The following HERC2 variants were observed in gnomAD, a reference collection of about 807,000 sequenced individuals.
HERC2 encodes the protein E3 ubiquitin-protein ligase HERC2.
Under a neutral mutation model 537.7 loss-of-function variants are expected in HERC2, and 102 were observed. The observed-to-expected ratio is 0.19, with a 90% CI of 0.16 to 0.22. HERC2 has a LOEUF of 0.22. Among genes scored for constraint, HERC2 ranks in the 10% least tolerant of loss-of-function variants. The pLI is 1.00. For synonymous variants in HERC2, 2,224 were observed against 2,466.2 expected (o/e 0.90, Z 2.91); for missense variants, 4,236 against 6,198.2 (o/e 0.68, Z 10.63).
chr15:28,168,013 A>G (rs1264772647), intron 67 of HERC2, among the ~76,000 whole-genome samples, 186 bp from the exon 68 acceptor site: 1 of 152,222 alleles, frequency 6.6e-6, no homozygotes, highest in East Asian at 1.9e-4. Context: ...GGCCTAGGAC[A>G]GTTTTGCAAA....
chr15:28,304,366 CTTT>C (rs567606595), intron 2 of HERC2, among the ~76,000 whole-genome samples: 3 of 137,416 alleles, frequency 2.2e-5, no homozygotes, highest in East Asian at 2.0e-4. Context: ...TTTATTTCTT[CTTT>C]TTTTTTTTTT....
chr15:28,303,475 A>C (rs1211103100), intron 2 of HERC2, among the ~76,000 whole-genome samples: 1 of 152,210 alleles, frequency 6.6e-6, no homozygotes, highest in Non-Finnish European at 1.5e-5. Flanking sequence ...ATTTTAAGTC[A>C]GGTAATGCAA....
chr15:28,256,532 A>G (rs2075267119), intron 17 of HERC2, among the ~76,000 whole-genome samples: 1 of 152,208 alleles, frequency 6.6e-6, no homozygotes, highest in African/African-American at 2.4e-5. Context: ...GAACATGTTT[A>G]TGGAAAGCTC....
chr15:28,173,805 A>AAC (rs1341383218), intron 65 of HERC2, among the ~76,000 whole-genome samples: 1 of 151,828 alleles, frequency 6.6e-6, no homozygotes, highest in Non-Finnish European at 1.5e-5. Flanking sequence ...AAAAAAAAAA[A>AAC]AAACCCAACC....
chr15:28,132,027 T>A, intron 81 of HERC2, 73 bp downstream of exon 81: 1 of 1,292,800 alleles, frequency 7.7e-7, no homozygotes, highest in East Asian at 2.8e-5. Flanking sequence ...AGGCTGTGTT[T>A]TCCCAGAGGG....
chr15:28,271,121 G>A (rs2075715973), intron 9 of HERC2, among the ~76,000 whole-genome samples: 1 of 152,102 alleles, frequency 6.6e-6, no homozygotes, highest in Admixed American at 6.5e-5. Flanking sequence ...CCACAGGTAA[G>A]ATGGATCCAC....
intron 4 of HERC2, among the ~76,000 whole-genome samples, chr15:28,281,316 T>G (rs1189544525): frequency 1.3e-5 from 2 of 152,126 alleles, no homozygotes; most frequent in Admixed American, 6.5e-5. Context: ...CACAGATCAT[T>G]ATAAGGGAAT....
chr15:28,247,023 G>A, intron 21 of HERC2, 126 bp from the exon 22 acceptor site: 1 of 811,598 alleles, frequency 1.2e-6, no homozygotes, highest in Non-Finnish European at 2.0e-6. Context: ...TCAAACAGAA[G>A]CCTGTTAACC....
chr15:28,316,059 TA>T (rs11396433), intron 2 of HERC2: 1,780 of 270,938 alleles, frequency 6.6e-3, no homozygotes, highest in South Asian at 0.021. Context: ...TTCCGCTGTT[TA>T]AAAAAAAAAA....
chr15:28,146,060 A>T (rs1256254457), intron 71 of HERC2, among the ~76,000 whole-genome samples, 177 bp downstream of exon 71: 7 of 152,230 alleles, frequency 4.6e-5, no homozygotes, highest in Non-Finnish European at 8.8e-5. Context: ...ACTGTATTTA[A>T]AAGTATGGGA....
At position 28,209,804 on chromosome 15, in the gene HERC2, C is replaced by T. The variant is rs148673711; in HGVS notation, c.7069+1198G>A. ...ATATTCAGGGAAGACTATATAAGTA[C>T]CATCATTTTGAATGGCACCATGGTA... On this transcript the variant is annotated intron_variant, in intron 44 of 92. Transcript: ENST00000261609. Among the ~76,000 whole-genome samples the T allele has an allele frequency of 3.7e-3, 564 of 152,108 alleles. 2 individuals are homozygous for T. The highest frequency in any genetic ancestry group is 0.013 in the African/African-American group (533 of 41,464).
chr15:28,180,625 G>T (rs9806503), intron 57 of HERC2, among the ~76,000 whole-genome samples: 18,982 of 152,180 alleles, frequency 0.12, 3,985 homozygotes, highest in African/African-American at 0.43. Flanking sequence ...TTCACTCTAT[G>T]TGGGTACATC....
intron 20 of HERC2, among the ~76,000 whole-genome samples, chr15:28,250,071 G>T (rs1268287452): frequency 7.6e-6 from 1 of 132,206 alleles, no homozygotes; most frequent in Non-Finnish European, 1.6e-5. Flanking sequence ...GCCCCGTTGA[G>T]CCAGGAGCAC....
At chr15:28,131,314 G>A (rs1322403334) in intron 81 of HERC2, among the ~76,000 whole-genome samples, 1 of 152,198 alleles carries the variant, frequency 6.6e-6, no homozygotes, top group East Asian at 1.9e-4. Flanking sequence ...AGGGGCCTCT[G>A]ACACATGCCA....
At chr15:28,316,629 T>C (rs2077093860) in intron 2 of HERC2, among the ~76,000 whole-genome samples, 9 of 152,190 alleles carry the variant, frequency 5.9e-5, no homozygotes, top group Admixed American at 5.9e-4. Flanking sequence ...AAACCACCCT[T>C]AGAATCCAGT....
chr15:28,114,698 A>G lies in HERC2; in HGVS notation c.13827T>C (p.Ser4609=). The G allele has an allele frequency of 6.2e-7, 1 of 1,614,098 alleles. No individual in the cohort carries two copies. The change falls in exon 90 of 93, where the codon AGT becomes AGC. Residue 4609 remains serine, a synonymous_variant. Transcript: ENST00000261609. ...TGGAGCTCAACTGAATGTCCTGGCC[A>G]CTGGCACTTGGCACTGTGAAGGGCA... ...MSLPFTVPSA[S]GQDIQLSSKH...
At chr15:28,229,036 T>C (rs112061942) in intron 34 of HERC2, among the ~76,000 whole-genome samples, 159 bp downstream of exon 34, 12,219 of 152,236 alleles carry the variant, frequency 0.08, 1,678 homozygotes, top group African/African-American at 0.28. Flanking sequence ...GAAGTTTTGT[T>C]TAAAATCTGA....
chr15:28,202,107 A>G lies in HERC2; in HGVS notation c.7617+6T>C, dbSNP rs1897968593. On this transcript the variant is annotated splice_donor_region_variant and intron_variant, in intron 47 of 92. Transcript: ENST00000261609. ...AGGTGCGGGCGGTCACATGGGAGGC[A>G]CTGACCATGGAGTAGGCGGCATCAT... 2.7e-6 allele frequency: 4 copies of G among 1,497,122 alleles called. No homozygotes were observed. In the South Asian group the frequency reaches 3.4e-5, roughly 13 times the overall value. 92.7% of individuals were successfully genotyped at this position (1,497,122 alleles called of 1,614,324 possible). A position where few individuals can be genotyped will look rare whatever the true frequency, so the allele number is the denominator to read the frequency against.
At chr15:28,145,708 C>A (rs944597081) in intron 71 of HERC2, among the ~76,000 whole-genome samples, 1 of 152,196 alleles carries the variant, frequency 6.6e-6, no homozygotes, top group Non-Finnish European at 1.5e-5. Context: ...TTAAAAGGTG[C>A]ATACACACAC....
Sources: allele counts gnomAD v4.1 joint callset (sites outside exome capture counted in the v4.1 genomes callset), GRCh38; gene constraint gnomAD v4.1.1; transcripts MANE v1.5; gene names NCBI Gene and HGNC (gene_info 2026-07-23, HGNC 2026-07-21).